Variants in CACNA2D2 observed in about 807,000 individuals in gnomAD.
The protein encoded by CACNA2D2 is calcium voltage-gated channel auxiliary subunit alpha2delta 2, also known as voltage-dependent calcium channel subunit alpha-2/delta-2.
Under a neutral mutation model 166.4 loss-of-function variants are expected in CACNA2D2, and 48 were observed. The ratio of observed to expected loss-of-function variants is 0.29; its 90% CI spans 0.23 to 0.37. The LOEUF is 0.37. Ranked by LOEUF, CACNA2D2 falls within the 10% of genes least tolerant of loss-of-function variation. The pLI, the probability that CACNA2D2 is intolerant of heterozygous loss-of-function variation, is 1.00. For missense variants in CACNA2D2, 1,122 were observed against 1,433.0 expected (o/e 0.78, Z 3.50); for synonymous variants, 561 against 573.7 (o/e 0.98, Z 0.32).
chr3:50,479,218 G>A (rs1458323600), intron 1 of CACNA2D2, among the ~76,000 whole-genome samples: 1 of 152,016 alleles, frequency 6.6e-6, no homozygotes. Context: ...CTCCCACCCT[G>A]AGGCTGAGTA....
At chr3:50,437,018 A>T (rs745332967) in intron 2 of CACNA2D2, among the ~76,000 whole-genome samples, 3 of 152,146 alleles carry the variant, frequency 2.0e-5, no homozygotes, top group Non-Finnish European at 4.4e-5. Flanking sequence ...CCCAAGCACC[A>T]TGTCTGTGTG....
At chr3:50,435,825 TG>T (rs1234479353) in intron 2 of CACNA2D2, among the ~76,000 whole-genome samples, 2 of 152,174 alleles carry the variant, frequency 1.3e-5, no homozygotes, top group East Asian at 3.9e-4. Context: ...TAATTTGTGG[TG>T]AAGTCGCTCC....
intron 2 of CACNA2D2, among the ~76,000 whole-genome samples, chr3:50,470,895 G>A (rs11130250): frequency 0.16 from 23,833 of 152,100 alleles, 2,980 homozygotes; most frequent in East Asian, 0.61. Context: ...CGCCCTCCCG[G>A]GAGCCCCCCC....
At chr3:50,459,171 G>C (rs1023860862) in intron 2 of CACNA2D2, among the ~76,000 whole-genome samples, 4 of 152,182 alleles carry the variant, frequency 2.6e-5, no homozygotes, top group Admixed American at 1.3e-4. Context: ...GTCACACAGG[G>C]AGATGAGATT....
At chr3:50,382,574 A>G (rs1705374071) in intron 6 of CACNA2D2, among the ~76,000 whole-genome samples, 1 of 152,184 alleles carries the variant, frequency 6.6e-6, no homozygotes, top group African/African-American at 2.4e-5. Context: ...AAAACAAAAC[A>G]CATTTCAAGC....
chr3:50,444,203 C>T (rs1708736691), intron 2 of CACNA2D2, among the ~76,000 whole-genome samples: 2 of 152,158 alleles, frequency 1.3e-5, no homozygotes, highest in African/African-American at 4.8e-5. Context: ...ACCAGTCAGG[C>T]CCTGGGGGTG....
chr3:50,479,983 G>T (rs1202159105), intron 1 of CACNA2D2, among the ~76,000 whole-genome samples: 1 of 152,220 alleles, frequency 6.6e-6, no homozygotes, highest in Non-Finnish European at 1.5e-5. Context: ...AGGAGGAGAT[G>T]TAGGCATCTA....
chr3:50,396,291 G>A (rs902927752), intron 3 of CACNA2D2, among the ~76,000 whole-genome samples: 1 of 152,058 alleles, frequency 6.6e-6, no homozygotes, highest in Non-Finnish European at 1.5e-5. Flanking sequence ...CTCAGGCTCT[G>A]TCCTGCCCGG....
rs201966443 is a variant in CACNA2D2 at position 50,364,954 on chromosome 3, C to T, written c.3225G>A (p.Gln1075=). 35 of 1,612,908 alleles carry T rather than the reference C, an allele frequency of 2.2e-5. No homozygotes were observed. The highest frequency in any genetic ancestry group is 2.7e-5 in the Non-Finnish European group (32 of 1,179,846). The stretch of plus-strand genomic sequence containing the variant: ...ATCGCGGTCTCTGCACTAGCTCACA[C>T]TGCTCCGGGCCGTCCGCTGGGCATG... ...QKETHSDGPE[Q]CELVQRPRYR... is the part of the protein sequence containing the mutation. Residue 1075 remains glutamine, a synonymous_variant, in exon 37 of 38, where the codon CAG becomes CAA. Coordinates refer to ENST00000424201, the MANE Select transcript of CACNA2D2 (RefSeq NM_006030.4).
chr3:50,366,272 C>T lies in CACNA2D2; in HGVS notation c.2704G>A (p.Asp902Asn). Residue 902 changes from aspartate (D) to asparagine (N), a missense_variant, in exon 31 of 38, where the codon GAC (aspartate) becomes AAC (asparagine). Asp to Asn is a conservative substitution (Grantham distance 23, BLOSUM62 1). This residue lies in a region of CACNA2D2 where 840 missense variants were observed against 1,166.8 expected (regional missense o/e 0.72). Coordinates refer to ENST00000424201, the MANE Select transcript of CACNA2D2 (RefSeq NM_006030.4). This position sits in a 1 kb window ranked among gnomAD's most constrained non-coding sequence, Gnocchi z 5.9. ...LVLSNQNHQW[D>N]QVGRFFSEVD... ...ACTCTCTTCCTGATCCTCACCTGGTCCCACTGATGGTTCTGGTTTGACAGC... is the reference window on the plus strand; with the variant it reads ...ACTCTCTTCCTGATCCTCACCTGGTTCCACTGATGGTTCTGGTTTGACAGC... The T allele has an allele frequency of 6.2e-7, 1 of 1,614,080 alleles. No individual in the cohort carries two copies. Among genetic ancestry groups the T allele is most frequent in the Non-Finnish European group, 8.5e-7 (1 of 1,179,992 alleles).
chr3:50,497,833 C>CA (rs780094135), intron 1 of CACNA2D2, among the ~76,000 whole-genome samples: 3 of 150,602 alleles, frequency 2.0e-5, no homozygotes, highest in Middle Eastern at 3.2e-3. Context: ...AGAAGGGAAG[C>CA]AAAAAAAAGC....
rs994153456 is a variant in CACNA2D2 at position 50,379,847 on chromosome 3, G to A, written c.894-23C>T. On this transcript the variant is annotated intron_variant, in intron 9 of 37. Coordinates refer to ENST00000424201, the MANE Select transcript of CACNA2D2 (RefSeq NM_006030.4). This position sits in a 1 kb window ranked among gnomAD's most constrained non-coding sequence, Gnocchi z 6.5. ...CTCCTGGAGAGGTCAGGCAGGGGAC[G>A]TGGAGGAGCCAGGGGAACCTCACGT... The A allele has an allele frequency of 1.9e-5, 30 of 1,612,744 alleles. No homozygotes were observed. The highest frequency in any genetic ancestry group is 8.0e-5 in the African/African-American group (6 of 74,890).
At chr3:50,472,012 G>A (rs1238883834) in intron 2 of CACNA2D2, among the ~76,000 whole-genome samples, 2 of 152,200 alleles carry the variant, frequency 1.3e-5, no homozygotes, top group African/African-American at 2.4e-5. Flanking sequence ...AGTGGGAGGG[G>A]AACAAAAGAC....
intron 2 of CACNA2D2, among the ~76,000 whole-genome samples, chr3:50,455,105 T>G (rs2106974870): frequency 6.6e-6 from 1 of 152,296 alleles, no homozygotes; most frequent in East Asian, 1.9e-4. Flanking sequence ...GGCCTTGGTT[T>G]CCCCATCACA....
chr3:50,402,476 G>C (rs192510400), intron 3 of CACNA2D2, among the ~76,000 whole-genome samples: 6 of 152,198 alleles, frequency 3.9e-5, no homozygotes, highest in African/African-American at 7.2e-5. Flanking sequence ...TTGAGCACTT[G>C]CAAGAGATGC....
At chr3:50,457,865 G>A (rs1709430483) in intron 2 of CACNA2D2, among the ~76,000 whole-genome samples, 1 of 152,192 alleles carries the variant, frequency 6.6e-6, no homozygotes. Flanking sequence ...AGGTGATGAT[G>A]GGGACTGAGG....
intron 2 of CACNA2D2, among the ~76,000 whole-genome samples, chr3:50,473,146 G>A (rs766838999): frequency 2.6e-5 from 4 of 152,178 alleles, no homozygotes; most frequent in Non-Finnish European, 5.9e-5. Context: ...GATGTTAGAT[G>A]AGGAAATGAG....
In CACNA2D2 at chr3:50,365,320, C is replaced by G. The variant is rs372712849; in HGVS notation, c.3098+36G>C. 1 of 1,607,494 alleles carries G rather than the reference C, an allele frequency of 6.2e-7. No individual in the cohort carries two copies. Among genetic ancestry groups the G allele is most frequent in the Non-Finnish European group, 8.5e-7 (1 of 1,177,152 alleles). ...AGCGTCTCGCCCCGCTCACAGGTTCCGCCCTTGGCCTCTGGTCCCGCCCCA... is the reference window on the plus strand; with the variant it reads ...AGCGTCTCGCCCCGCTCACAGGTTCGGCCCTTGGCCTCTGGTCCCGCCCCA... On this transcript the variant is annotated intron_variant, in intron 35 of 37. Transcript: ENST00000424201. The surrounding 1 kb of genome is among the most constrained non-coding windows in gnomAD (Gnocchi z 4.5).
chr3:50,482,137 C>A (rs935530776), intron 1 of CACNA2D2, among the ~76,000 whole-genome samples: 1 of 152,216 alleles, frequency 6.6e-6, no homozygotes, highest in Non-Finnish European at 1.5e-5. Flanking sequence ...GCCACTCCCC[C>A]ATCCCAGCCT....
Sources: allele counts gnomAD v4.1 joint callset (sites outside exome capture counted in the v4.1 genomes callset), GRCh38; gene constraint gnomAD v4.1.1; regional missense constraint gnomAD v4.1.1; non-coding constraint Gnocchi (gnomAD v3.1); transcripts MANE v1.5; gene names NCBI Gene and HGNC (gene_info 2026-07-23, HGNC 2026-07-21).